IPP: variants seen among roughly 807,000 people sequenced by gnomAD.
The protein encoded by IPP is intracisternal A particle-promoted polypeptide.
A neutral mutation model predicts 64.1 loss-of-function variants in IPP; 41 were observed. The ratio of observed to expected loss-of-function variants is 0.64; its 90% CI spans 0.50 to 0.83. The LOEUF is 0.83. Among genes scored for constraint, IPP ranks in the 40% least tolerant of loss-of-function variants. The pLI is 0.00. For missense variants in IPP, 649 were observed against 703.0 expected, an observed-to-expected ratio of 0.92 and a Z score of 0.87; for synonymous variants, 214 against 235.2, an observed-to-expected ratio of 0.91 and a Z score of 0.83.
At position 45,699,107 on chromosome 1, in the gene IPP, C is replaced by A. The variant is rs147891058; in HGVS notation, c.*859G>T. 2.0e-6 allele frequency: 2 copies of A among 985,172 alleles called. No homozygotes were observed. The highest frequency in any genetic ancestry group is 4.7e-5 in the South Asian group (1 of 21,290). 61.0% of individuals were successfully genotyped at this position (985,172 alleles called of 1,614,324 possible). A position where few individuals can be genotyped will look rare whatever the true frequency, so the allele number is the denominator to read the frequency against. ...ACAACATCTGGTCACTAAGAACCTC[C>A]TATTAATTCCTTACTTGCATTCTCA... is the stretch of plus-strand genomic sequence containing the variant. On this transcript the variant is annotated 3_prime_UTR_variant, in exon 9 of 9. Coordinates refer to ENST00000396478, the MANE Select transcript of IPP (RefSeq NM_005897.3).
At chr1:45,727,087 T>C (rs1227656070) in intron 5 of IPP, among the ~76,000 whole-genome samples, 3 of 152,098 alleles carry the variant, frequency 2.0e-5, no homozygotes, top group African/African-American at 7.2e-5. Context: ...TCTTGCTCTG[T>C]CACCCAGGCT....
downstream of IPP, among the ~76,000 whole-genome samples, chr1:45,698,509 T>G (rs1166366593): frequency 6.6e-6 from 1 of 152,082 alleles, no homozygotes; most frequent in Non-Finnish European, 1.5e-5. Context: ...ATTACACTTA[T>G]GAGTCAGTAT....
intron 2 of IPP, among the ~76,000 whole-genome samples, chr1:45,743,078 C>T (rs1252968418): frequency 1.3e-5 from 2 of 151,944 alleles, no homozygotes; most frequent in African/African-American, 4.8e-5. Flanking sequence ...GCCAGGATTA[C>T]AGATGCGCAC....
At chr1:45,709,657 T>C (rs1426322435) in intron 8 of IPP, among the ~76,000 whole-genome samples, 1 of 140,582 alleles carries the variant, frequency 7.1e-6, no homozygotes, top group Non-Finnish European at 1.6e-5. Flanking sequence ...GAACCCCATC[T>C]CTACTAAAAA....
At chr1:45,697,583 T>G (rs927151626), downstream of IPP, among the ~76,000 whole-genome samples, 19 of 152,310 alleles carry the variant, frequency 1.2e-4, no homozygotes, top group African/African-American at 4.6e-4. Flanking sequence ...GAGTGCTACC[T>G]AATTCATTAA....
intron 4 of IPP, among the ~76,000 whole-genome samples, chr1:45,728,967 A>AATAT (rs143919407): frequency 0.01 from 1,530 of 147,440 alleles, 10 homozygotes; most frequent in Non-Finnish European, 0.015. Context: ...CTCTACTTAA[A>AATAT]ATATATATAT....
intron 1 of IPP, among the ~76,000 whole-genome samples, chr1:45,749,547 G>T (rs1646190876): frequency 7.2e-6 from 1 of 138,262 alleles, no homozygotes; most frequent in Non-Finnish European, 1.5e-5. Flanking sequence ...TTGAGACGGA[G>T]TCTCGCTCTG....
chr1:45,700,749 A>G (rs1220347514), intron 8 of IPP, among the ~76,000 whole-genome samples: 1 of 152,274 alleles, frequency 6.6e-6, no homozygotes, highest in African/African-American at 2.4e-5. Context: ...CCTAGAACTC[A>G]TACACAGGAC....
At chr1:45,712,878 A>AATAT (rs1553189323) in intron 8 of IPP, among the ~76,000 whole-genome samples, 86 of 138,596 alleles carry the variant, frequency 6.2e-4, no homozygotes, top group African/African-American at 7.6e-4. Flanking sequence ...AAAAAAAAAA[A>AATAT]ATATATATAT....
intron 5 of IPP, among the ~76,000 whole-genome samples, chr1:45,722,178 C>T (rs1214007496): frequency 3.9e-5 from 6 of 152,024 alleles, no homozygotes; most frequent in South Asian, 2.1e-4. Context: ...CACTTGAACC[C>T]GGGAGGCAGA....
downstream of IPP, among the ~76,000 whole-genome samples, chr1:45,695,772 C>T (rs1375359614): frequency 3.3e-5 from 5 of 151,972 alleles, no homozygotes; most frequent in East Asian, 1.9e-4. Flanking sequence ...CGTGTTGAAG[C>T]GATTCTCCTG....
chr1:45,696,118 T>G (rs955692270), downstream of IPP, among the ~76,000 whole-genome samples: 1 of 152,242 alleles, frequency 6.6e-6, no homozygotes, highest in East Asian at 1.9e-4. Flanking sequence ...AATGAATTAT[T>G]TTCCAGAATA....
intron 7 of IPP, among the ~76,000 whole-genome samples, chr1:45,715,126 C>G (rs903158946): frequency 1.0e-4 from 15 of 144,346 alleles, no homozygotes; most frequent in Non-Finnish European, 1.5e-4. Context: ...GCGTGGGAGG[C>G]AGAGGTTACA....
At chr1:45,714,133 G>GA (rs1055962753) in intron 8 of IPP, 113 bp downstream of exon 8, 27 of 724,204 alleles carry the variant, frequency 3.7e-5, no homozygotes, top group Non-Finnish European at 5.8e-5. Flanking sequence ...GAAAAAAGGG[G>GA]AAAAAAATCC....
Position 45,699,197 on chromosome 1 carries a change from A to G in IPP, c.*769T>C. 2 of 985,216 alleles carry G rather than the reference A, an allele frequency of 2.0e-6. No homozygotes were observed. The highest frequency in any genetic ancestry group is 2.4e-6 in the Non-Finnish European group (2 of 829,724). 61.0% of individuals were successfully genotyped at this position (985,216 alleles called of 1,614,324 possible). ...TCAAGCAAAAAGGTATCTATCTATT[A>G]AAATAGCTAGATATTTCCCAAACAC... On this transcript the variant is annotated 3_prime_UTR_variant, in exon 9 of 9. Coordinates refer to ENST00000396478, the MANE Select transcript of IPP (RefSeq NM_005897.3).
At chr1:45,718,388 C>A (rs532954369) in intron 6 of IPP, among the ~76,000 whole-genome samples, 79 of 152,330 alleles carry the variant, frequency 5.2e-4, no homozygotes, top group African/African-American at 1.8e-3. Context: ...TCCAGAGATA[C>A]CTGCAGAAGA....
At chr1:45,704,192 TAGCAAA>T (rs1327048195) in intron 8 of IPP, among the ~76,000 whole-genome samples, 2 of 152,010 alleles carry the variant, frequency 1.3e-5, no homozygotes, top group Non-Finnish European at 2.9e-5. Flanking sequence ...TGGCTTCATT[TAGCAAA>T]TAAGTAAATT....
intron 2 of IPP, among the ~76,000 whole-genome samples, chr1:45,743,630 T>C (rs1030238828): frequency 2.0e-5 from 3 of 152,052 alleles, no homozygotes; most frequent in African/African-American, 7.2e-5. Flanking sequence ...GGTGGGAGGA[T>C]AGCTTGAGCC....
At chr1:45,747,834 CAAAAAAAAAAAAAAAAA>C (rs60576414) in intron 1 of IPP, among the ~76,000 whole-genome samples, 5 of 39,280 alleles carry the variant, frequency 1.3e-4, no homozygotes, top group Admixed American at 4.7e-4. Context: ...GACTCTGTCT[CAAAAAAAAAAAAAAAAA>C]AAAAAAAAAA....
Sources: gnomAD v4.1 joint callset for allele counts (sites outside exome capture counted in the v4.1 genomes callset) on GRCh38, gnomAD v4.1.1 for gene constraint, MANE v1.5 for transcripts, NCBI Gene and HGNC (gene_info 2026-07-23, HGNC 2026-07-21) for gene names.